The following PITX3 variants were observed in gnomAD, a reference collection of about 807,000 sequenced individuals.
PITX3 encodes the protein pituitary homeobox 3.
Under a neutral mutation model 14.2 loss-of-function variants are expected in PITX3, and 4 were observed. That is an observed-to-expected ratio of 0.28 (90% confidence interval 0.14 to 0.65). PITX3 has a LOEUF of 0.65. Among genes scored for constraint, PITX3 ranks in the 30% least tolerant of loss-of-function variants. The pLI, the probability that PITX3 is intolerant of heterozygous loss-of-function variation, is 0.82. For synonymous variants in PITX3, 194 were observed against 204.5 expected (o/e 0.95, Z 0.44); for missense variants, 358 against 426.8 (o/e 0.84, Z 1.42).
chr10:102,233,466 G>T (rs971764336), intron 1 of PITX3, among the ~76,000 whole-genome samples: 1 of 151,828 alleles, frequency 6.6e-6, no homozygotes, highest in Non-Finnish European at 1.5e-5. Context: ...CCCACGCCTG[G>T]CTAATTTTTG....
Position 102,230,385 on chromosome 10 carries a change from G to A in PITX3, c.*129C>T. On this transcript the variant is annotated 3_prime_UTR_variant, in exon 4 of 4. Coordinates refer to ENST00000370002, the MANE Select transcript of PITX3 (RefSeq NM_005029.4). ...GAGGGGAAGGCCCTCTCCTGAGCCG[G>A]TGCCCCCCAGCTGCCCAAACACCCC... is the stretch of plus-strand genomic sequence containing the variant. 7.2e-7 allele frequency: 1 copy of A among 1,393,864 alleles called. No individual in the cohort carries two copies. Among genetic ancestry groups the A allele is most frequent in the African/African-American group, 1.4e-5 (1 of 69,970 alleles). The allele number at this position is 1,393,864 out of a possible 1,614,324, so 86.3% of individuals were successfully genotyped here. A position where few individuals can be genotyped will look rare whatever the true frequency, so the allele number is the denominator to read the frequency against.
chr10:102,236,273 G>C (rs2070391555), intron 1 of PITX3, among the ~76,000 whole-genome samples: 1 of 152,194 alleles, frequency 6.6e-6, no homozygotes, highest in Admixed American at 6.5e-5. Context: ...AGTGGATAGG[G>C]AAGAACAAGC....
intron 1 of PITX3, among the ~76,000 whole-genome samples, chr10:102,232,446 G>C (rs755683990): frequency 1.3e-5 from 2 of 152,200 alleles, no homozygotes; most frequent in Non-Finnish European, 2.9e-5. Flanking sequence ...ACTTTGGGAG[G>C]CCAAGGCGGG....
At chr10:102,237,484 G>C (rs1168658140) in intron 1 of PITX3, among the ~76,000 whole-genome samples, 1 of 152,100 alleles carries the variant, frequency 6.6e-6, no homozygotes, top group Non-Finnish European at 1.5e-5. Flanking sequence ...TCCAATGGGG[G>C]ACAAGGGGCA....
At chr10:102,234,054 CCT>C (rs1457446282) in intron 1 of PITX3, among the ~76,000 whole-genome samples, 6 of 152,166 alleles carry the variant, frequency 3.9e-5, no homozygotes, top group Admixed American at 3.3e-4. Flanking sequence ...GGCCTCTCTG[CCT>C]CTCTCACCCC....
chr10:102,238,032 G>T (rs754337252), intron 1 of PITX3, among the ~76,000 whole-genome samples: 29 of 152,166 alleles, frequency 1.9e-4, no homozygotes, highest in Non-Finnish European at 4.0e-4. Flanking sequence ...AATAGGAAAG[G>T]AGAAACTATT....
intron 1 of PITX3, among the ~76,000 whole-genome samples, chr10:102,233,298 T>TCC: frequency 7.6e-6 from 1 of 132,096 alleles, no homozygotes; most frequent in Admixed American, 8.3e-5. Flanking sequence ...TTTTTTTTTT[T>TCC]TCCTTCTTTT....
At chr10:102,236,509 C>T (rs1478105014) in intron 1 of PITX3, among the ~76,000 whole-genome samples, 1 of 152,140 alleles carries the variant, frequency 6.6e-6, no homozygotes, top group East Asian at 1.9e-4. Context: ...AGAGGGCCTA[C>T]AGGTATGCTC....
intron 3 of PITX3, 69 bp from the exon 4 acceptor site, chr10:102,231,170 C>A: frequency 7.1e-7 from 1 of 1,403,616 alleles, no homozygotes; most frequent in South Asian, 1.5e-5. Context: ...CGGGCCACCC[C>A]GACGGGGCTT....
Position 102,232,027 on chromosome 10 carries a change from C to G in PITX3, c.54G>C (p.Leu18=). The G allele has an allele frequency of 6.2e-7, 1 of 1,608,520 alleles. No homozygotes were observed. Among genetic ancestry groups the G allele is most frequent in the Non-Finnish European group, 8.5e-7 (1 of 1,179,138 alleles). ...GGGGGTGCGGAGTGCCAGCGTCTGA[C>G]AGCGACAGGGCAGGGCTCCGGGCCT... is the stretch of plus-strand genomic sequence containing the variant. ...EAEARSPALS[L]SDAGTPHPQL... The change falls in exon 2 of 4, where the codon CTG becomes CTC. Residue 18 remains leucine, a synonymous_variant. Transcript: ENST00000370002.
Position 102,230,996 on chromosome 10 carries a change from G to A in PITX3, c.427C>T (p.Pro143Ser), listed in dbSNP as rs769980370. ...TAGCCGGGGTACACCTCCTCGTAGGGCGGCACCAGCCCCCCGAGCGGCGCC... is the reference window on the plus strand; with the variant it reads ...TAGCCGGGGTACACCTCCTCGTAGGACGGCACCAGCCCCCCGAGCGGCGCC... ...FAAPLGGLVP[P>S]YEEVYPGYSY... Residue 143 changes from proline (P) to serine (S), a missense_variant, in exon 4 of 4, where the codon CCC becomes TCC. Coordinates refer to ENST00000370002, the MANE Select transcript of PITX3 (RefSeq NM_005029.4). The A allele has an allele frequency of 2.5e-6, 4 of 1,602,130 alleles. No homozygotes were observed. Among genetic ancestry groups the A allele is most frequent in the African/African-American group, 1.3e-5 (1 of 74,644 alleles).
Position 102,230,805 on chromosome 10 carries a change from C to T in PITX3, c.618G>A (p.Pro206=). 6.4e-7 allele frequency: 1 copy of T among 1,554,904 alleles called. No homozygotes were observed. The highest frequency in any genetic ancestry group is 8.7e-7 in the Non-Finnish European group (1 of 1,149,986). ...ASMVPSAAAA[P]GTVPGPGALQ... Reference sequence around the variant, plus strand: ...GGGCCCCAGGCCCTGGCACGGTGCCCGGGGCAGCCGCGGCGGAGGGCACCA... The same window carrying T: ...GGGCCCCAGGCCCTGGCACGGTGCCTGGGGCAGCCGCGGCGGAGGGCACCA... Residue 206 remains proline, a synonymous_variant, in exon 4 of 4, where the codon CCG becomes CCA. Transcript: ENST00000370002.
intron 1 of PITX3, among the ~76,000 whole-genome samples, chr10:102,232,356 A>T (rs936907450): frequency 1.3e-5 from 2 of 152,170 alleles, no homozygotes; most frequent in Admixed American, 1.3e-4. Flanking sequence ...CCAGGTATAC[A>T]GTTGGGGTTC....
intron 1 of PITX3, among the ~76,000 whole-genome samples, chr10:102,235,913 C>G (rs2070381576): frequency 6.6e-6 from 1 of 152,216 alleles, no homozygotes; most frequent in Non-Finnish European, 1.5e-5. Context: ...GTAACCCAAG[C>G]TGGGAGCCAC....
chr10:102,237,481 G>T (rs1427346780), intron 1 of PITX3, among the ~76,000 whole-genome samples: 1 of 152,112 alleles, frequency 6.6e-6, no homozygotes, highest in South Asian at 2.1e-4. Context: ...GCCTCCAATG[G>T]GGGACAAGGG....
At chr10:102,238,012 G>T (rs1397319183) in intron 1 of PITX3, among the ~76,000 whole-genome samples, 1 of 152,142 alleles carries the variant, frequency 6.6e-6, no homozygotes, top group Non-Finnish European at 1.5e-5. Flanking sequence ...AAAGGGTTGG[G>T]CAGGGAAGAA....
Position 102,230,791 on chromosome 10 carries a change from CCTGGCACGGTG to C in PITX3, c.621_631del (p.Thr208AlafsTer50). On this transcript the variant is annotated frameshift_variant, in exon 4 of 4. Transcript: ENST00000370002. LOFTEE classifies it low-confidence loss of function (END_TRUNC). ...GCCCAGGCCCTGCAGGGCCCCAGGC[CCTGGCACGGTG>C]CCCGGGGCAGCCGCGGCGGAGGGCA... 3 of 1,547,990 alleles carry C rather than the reference CCTGGCACGGTG, an allele frequency of 1.9e-6. No individual in the cohort carries two copies. The highest frequency in any genetic ancestry group is 2.6e-6 in the Non-Finnish European group (3 of 1,146,136).
rs1406312327 is a variant in PITX3 at position 102,241,012 on chromosome 10, G to A, written c.-13+321C>T. On this transcript the variant is annotated intron_variant, in intron 1 of 3. Coordinates refer to ENST00000370002, the MANE Select transcript of PITX3 (RefSeq NM_005029.4). This position sits in a 1 kb window ranked among gnomAD's most constrained non-coding sequence, Gnocchi z 6.7. ...CTTTCGCTCCCTGGCCGCCTGCCCC[G>A]TGCCCTGGGATTCCAGGGCGCTTTC... is the stretch of plus-strand genomic sequence containing the variant. Among the ~76,000 whole-genome samples the A allele has an allele frequency of 6.6e-6, 1 of 151,334 alleles. No individual in the cohort carries two copies. Among genetic ancestry groups the A allele is most frequent in the East Asian group, 2.0e-4 (1 of 5,106 alleles).
chr10:102,230,938 G>A lies in PITX3; in HGVS notation c.485C>T (p.Ala162Val). The change falls in exon 4 of 4, where the codon GCC becomes GTC. Residue 162 changes from alanine (A) to valine (V), a missense_variant. Physicochemically the swap from Ala to Val is moderately conservative, Grantham distance 64. Transcript: ENST00000370002. Reference protein sequence around the residue: ...SYGNWPPKALAPPLAAKTFPF... With the variant: ...SYGNWPPKALVPPLAAKTFPF... ...AAAGGTCTTGGCGGCGAGCGGCGGG[G>A]CAAGAGCCTTGGGCGGCCAGTTGCC... 1 of 1,609,350 alleles carries A rather than the reference G, an allele frequency of 6.2e-7. No homozygotes were observed.
Sources: allele counts gnomAD v4.1 joint callset (sites outside exome capture counted in the v4.1 genomes callset), GRCh38; gene constraint gnomAD v4.1.1; non-coding constraint Gnocchi (gnomAD v3.1); transcripts MANE v1.5; gene names NCBI Gene and HGNC (gene_info 2026-07-23, HGNC 2026-07-21).